ATP13A3: variants seen among roughly 807,000 people sequenced by gnomAD.
The protein encoded by ATP13A3 is ATPase 13A3.
A neutral mutation model predicts 158.1 loss-of-function variants in ATP13A3; 59 were observed. The observed-to-expected ratio is 0.37, with a 90% CI of 0.30 to 0.46. The LOEUF (loss-of-function observed/expected upper bound fraction) is 0.46. ATP13A3 is among the 20% of genes least tolerant of loss of function. The pLI, the probability that ATP13A3 is intolerant of heterozygous loss-of-function variation, is 1.00. For synonymous variants in ATP13A3, 491 were observed against 504.3 expected (o/e 0.97, Z 0.35); for missense variants, 1,166 against 1,525.2 (o/e 0.76, Z 3.92).
intron 2 of ATP13A3, among the ~76,000 whole-genome samples, chr3:194,463,621 G>A (rs1038990293): frequency 6.6e-6 from 1 of 152,036 alleles, no homozygotes; most frequent in African/African-American, 2.4e-5. Context: ...TACTGCCTTC[G>A]TTTCAGATCC....
At position 194,437,083 on chromosome 3, in the gene ATP13A3, G is replaced by A. The variant is rs759258277; in HGVS notation, c.2120+12C>T. On this transcript the variant is annotated intron_variant, in intron 20 of 33. Coordinates refer to ENST00000645319, the MANE Select transcript of ATP13A3 (RefSeq NM_001367549.1). ...TGATGACTGGGAAACTAGGAAAGCC[G>A]TTCAACCTCACCTGCTAATATTCTG... The A allele has an allele frequency of 2.7e-5, 43 of 1,612,156 alleles. No individual in the cohort carries two copies. The East Asian group carries it at 2.7e-4, about 10-fold the overall frequency.
intron 2 of ATP13A3, among the ~76,000 whole-genome samples, chr3:194,462,686 T>C (rs1475200412): frequency 3.9e-5 from 6 of 152,194 alleles, no homozygotes; most frequent in Non-Finnish European, 7.3e-5. Context: ...TTGTTTAAAT[T>C]TGAATTCTTC....
chr3:194,479,217 C>T (rs1560116490), intron 2 of ATP13A3, among the ~76,000 whole-genome samples: 1 of 152,178 alleles, frequency 6.6e-6, no homozygotes, highest in African/African-American at 2.4e-5. Flanking sequence ...CTTCAACTAA[C>T]TCTAAGGCAG....
In ATP13A3 at chr3:194,450,437, A is replaced by C. The variant is rs550844639; in HGVS notation, c.839-161T>G. 11 of 668,350 alleles carry C rather than the reference A, an allele frequency of 1.6e-5. No homozygotes were observed. In the African/African-American group the frequency reaches 2.0e-4, roughly 12 times the overall value. 41.4% of individuals were successfully genotyped at this position (668,350 alleles called of 1,614,324 possible). A position where few individuals can be genotyped will look rare whatever the true frequency, so the allele number is the denominator to read the frequency against. ...GCAAGTTTTAACAAATAAGATTATT[A>C]GGCTAACAAAGCACGGTGTGTCAGC... On this transcript the variant is annotated intron_variant, in intron 10 of 33. Coordinates refer to ENST00000645319, the MANE Select transcript of ATP13A3 (RefSeq NM_001367549.1).
chr3:194,413,624 A>G, intron 32 of ATP13A3, 135 bp downstream of exon 32: 1 of 800,898 alleles, frequency 1.2e-6, no homozygotes, highest in Non-Finnish European at 2.1e-6. Context: ...AGAGAAGGCT[A>G]AATGAATTTG....
intron 27 of ATP13A3, 104 bp downstream of exon 27, chr3:194,429,574 G>A (rs1717067830): frequency 2.6e-6 from 2 of 773,228 alleles, no homozygotes; most frequent in Middle Eastern, 6.6e-4. Context: ...ACTACTCACA[G>A]AAACAATTAC....
chr3:194,423,316 T>TAA (rs547064278), intron 30 of ATP13A3, among the ~76,000 whole-genome samples: 221 of 152,322 alleles, frequency 1.5e-3, no homozygotes, highest in Non-Finnish European at 2.6e-3. Context: ...AGGCTGAGAT[T>TAA]AATTCTTAAA....
rs1716170743 is a variant in ATP13A3, at chr3:194,419,975, A to G, written c.3314-8T>C. The G allele has an allele frequency of 2.0e-6, 3 of 1,520,192 alleles. No homozygotes were observed. Among genetic ancestry groups the G allele is most frequent in the South Asian group, 2.6e-5 (2 of 75,968 alleles). 94.2% of individuals were successfully genotyped at this position (1,520,192 alleles called of 1,614,324 possible). On this transcript the variant is annotated splice_polypyrimidine_tract_variant and splice_region_variant and intron_variant, in intron 30 of 33. Coordinates refer to ENST00000645319, the MANE Select transcript of ATP13A3 (RefSeq NM_001367549.1). ...CAGAAAAAACAAAAAAATCTGGAAA[A>G]GACAGCAAAAGTAAAACAAGTAAAT... is the stretch of plus-strand genomic sequence containing the variant.
intron 30 of ATP13A3, among the ~76,000 whole-genome samples, chr3:194,423,283 A>G (rs1560076456): frequency 6.6e-6 from 1 of 152,248 alleles, no homozygotes; most frequent in African/African-American, 2.4e-5. Context: ...AAAAAACTCT[A>G]AAGAGAATTC....
intron 2 of ATP13A3, among the ~76,000 whole-genome samples, chr3:194,464,499 T>C (rs182624284): frequency 1.3e-5 from 2 of 152,282 alleles, no homozygotes; most frequent in Admixed American, 1.3e-4. Context: ...GTGGCAGTTA[T>C]TTTCAAGGGC....
intron 2 of ATP13A3, among the ~76,000 whole-genome samples, chr3:194,482,130 C>T (rs1280984102): frequency 6.6e-6 from 1 of 152,178 alleles, no homozygotes; most frequent in Non-Finnish European, 1.5e-5. Context: ...TCCTTTATTC[C>T]GTTTTTCTCC....
intron 33 of ATP13A3, among the ~76,000 whole-genome samples, chr3:194,409,693 A>ATTTTTTTTTTTTTTTTTTTTTTTTTTTTT (rs71179358): frequency 4.3e-5 from 4 of 93,992 alleles, no homozygotes; most frequent in African/African-American, 2.0e-4. Context: ...GACGTAAAGA[A>ATTTTTTTTTTTTTTTTTTTTTTTTTTTTT]TTTTTTTTTT....
chr3:194,424,905 C>T (rs965597285), intron 30 of ATP13A3, among the ~76,000 whole-genome samples: 7 of 152,266 alleles, frequency 4.6e-5, no homozygotes, highest in Non-Finnish European at 8.8e-5. Context: ...CTGCGCAGAC[C>T]GCCCGGGAGG....
At position 194,430,982 on chromosome 3, in the gene ATP13A3, T is replaced by C. The variant is rs751406520; in HGVS notation, c.2585A>G (p.Asp862Gly). ...TGCTTCTATCAACTGTGTCTTCTGA[T>C]CAGGTGCCATACGGGCAAACACGGT... Reference protein sequence around the residue: ...HGTVFARMAPDQKTQLIEALQ... With the variant: ...HGTVFARMAPGQKTQLIEALQ... The change falls in exon 24 of 34, where the codon GAT becomes GGT. Residue 862 changes from aspartate to glycine, a missense_variant. Asp to Gly is a moderately conservative substitution (Grantham distance 94). Coordinates refer to ENST00000645319, the MANE Select transcript of ATP13A3 (RefSeq NM_001367549.1). The C allele has an allele frequency of 3.7e-6, 6 of 1,613,662 alleles. No individual in the cohort carries two copies. The highest frequency in any genetic ancestry group is 5.1e-6 in the Non-Finnish European group (6 of 1,179,710).
At chr3:194,437,501 T>G in intron 18 of ATP13A3, 37 bp from the exon 19 acceptor site, 4 of 1,613,494 alleles carry the variant, frequency 2.5e-6, no homozygotes, top group Non-Finnish European at 3.4e-6. Context: ...GCACTTAATA[T>G]TCTTAAAGAA....
In ATP13A3 at chr3:194,477,616, A is replaced by G. The variant is rs1720581330; in HGVS notation, c.-47+8178T>C. Among the ~76,000 whole-genome samples the G allele has an allele frequency of 2.6e-5, 4 of 152,328 alleles. No individual in the cohort carries two copies. The South Asian group carries it at 8.3e-4, about 32-fold the overall frequency. On this transcript the variant is annotated intron_variant, in intron 2 of 33. Coordinates refer to ENST00000645319, the MANE Select transcript of ATP13A3 (RefSeq NM_001367549.1). Reference sequence around the variant, plus strand: ...AGGATCCTTCTGTTCAGAAGTTAACACATAAATTAGTGACAGCTTCTCATA... The same window carrying G: ...AGGATCCTTCTGTTCAGAAGTTAACGCATAAATTAGTGACAGCTTCTCATA...
intron 33 of ATP13A3, among the ~76,000 whole-genome samples, chr3:194,410,316 A>AAAAAC (rs1715290049): frequency 6.9e-6 from 1 of 145,472 alleles, no homozygotes; most frequent in Non-Finnish European, 1.5e-5. Context: ...AAAAAAAAAA[A>AAAAAC]AAAAAAAAAA....
At chr3:194,439,584 T>A (rs890874984) in intron 16 of ATP13A3, among the ~76,000 whole-genome samples, 2 of 152,226 alleles carry the variant, frequency 1.3e-5, no homozygotes, top group Non-Finnish European at 2.9e-5. Flanking sequence ...AATAGGGAAC[T>A]GTGAAAAATT....
chr3:194,469,391 C>T (rs1410011999), intron 2 of ATP13A3, among the ~76,000 whole-genome samples: 3 of 151,666 alleles, frequency 2.0e-5, no homozygotes, highest in African/African-American at 4.8e-5. Flanking sequence ...ACCCAGGAGG[C>T]GGAGGGTTGC....
Sources: gnomAD v4.1 joint callset for allele counts (sites outside exome capture counted in the v4.1 genomes callset) on GRCh38, gnomAD v4.1.1 for gene constraint, MANE v1.5 for transcripts, NCBI Gene and HGNC (gene_info 2026-07-23, HGNC 2026-07-21) for gene names.